Variants in SCN1B observed in about 807,000 individuals in gnomAD.
SCN1B encodes sodium channel regulatory subunit beta-1.
Under a neutral mutation model 25.7 loss-of-function variants are expected in SCN1B, and 11 were observed. The observed-to-expected ratio is 0.43, with a 90% CI of 0.27 to 0.71. The LOEUF (loss-of-function observed/expected upper bound fraction) is 0.71, where lower values mean the gene tolerates loss of function less well. Among genes scored for constraint, SCN1B ranks in the 30% least tolerant of loss-of-function variants. The pLI, the probability that SCN1B is intolerant of heterozygous loss-of-function variation, is 0.21. For synonymous variants in SCN1B, 119 were observed against 117.5 expected (o/e 1.01, Z -0.08); for missense variants, 224 against 291.5 (o/e 0.77, Z 1.69).
chr19:35,033,271 G>A (rs558725903), intron 2 of SCN1B, among the ~76,000 whole-genome samples: 4 of 152,044 alleles, frequency 2.6e-5, no homozygotes, highest in Non-Finnish European at 5.9e-5. Context: ...ACTGAGGAAC[G>A]TGTGTGTGCT....
rs745657953 is a variant in SCN1B, at chr19:35,033,721, A to G, written c.430A>G (p.Ile144Val). 2 of 1,614,076 alleles carry G rather than the reference A, an allele frequency of 1.2e-6. No individual in the cohort carries two copies. The highest frequency in any genetic ancestry group is 2.2e-5 in the East Asian group (1 of 44,858). The change falls in exon 3 of 6, where the codon ATT becomes GTT. Residue 144 changes from isoleucine (I) to valine (V), a missense_variant. Coordinates refer to ENST00000262631, the MANE Select transcript of SCN1B (RefSeq NM_001037.5). ...CACCAGCGTCGTCAAGAAGATCCAC[A>G]TTGAGGTAGTGGACAAAGGTGAGTC... is the stretch of plus-strand genomic sequence containing the variant. ...HNTSVVKKIHIEVVDKANRDM... is the reference protein window; with the variant it reads ...HNTSVVKKIHVEVVDKANRDM...
At position 35,039,343 on chromosome 19, in the gene SCN1B, G is replaced by A. The variant is rs1600371019; in HGVS notation, c.590+85G>A. 1.6e-5 allele frequency: 25 copies of A among 1,582,286 alleles called. No homozygotes were observed. The East Asian group carries it at 2.7e-4, about 17-fold the overall frequency. On this transcript the variant is annotated intron_variant, in intron 4 of 5. Transcript: ENST00000262631. The stretch of plus-strand genomic sequence containing the variant: ...GGAACTCCGGAGCCCGGGCAGGGAG[G>A]AGGCAGCGGAGCGGCCCAGGGCGCC...
chr19:35,030,804 G>A lies in SCN1B; in HGVS notation c.-17G>A. 1 of 1,060,440 alleles carries A rather than the reference G, an allele frequency of 9.4e-7. No homozygotes were observed. Among genetic ancestry groups the A allele is most frequent in the Non-Finnish European group, 1.2e-6 (1 of 830,252 alleles). 65.7% of individuals were successfully genotyped at this position (1,060,440 alleles called of 1,614,324 possible). A position where few individuals can be genotyped will look rare whatever the true frequency, so the allele number is the denominator to read the frequency against. On this transcript the variant is annotated 5_prime_UTR_variant, in exon 1 of 6. Coordinates refer to ENST00000262631, the MANE Select transcript of SCN1B (RefSeq NM_001037.5). Reference sequence around the variant, plus strand: ...ACCGGCGGCCCGGGAGGGGGGCGCAGCACGCGCCGCGCAGCCATGGGGAGG... The same window carrying A: ...ACCGGCGGCCCGGGAGGGGGGCGCAACACGCGCCGCGCAGCCATGGGGAGG...
intron 3 of SCN1B, chr19:35,034,283 T>G (rs1368413476): frequency 9.5e-7 from 1 of 1,055,950 alleles, no homozygotes; most frequent in African/African-American, 1.6e-5. Context: ...CGCACACCCC[T>G]CTGCACTCCT....
chr19:35,033,761 C>T, intron 3 of SCN1B, 22 bp downstream of exon 3: 1 of 1,613,918 alleles, frequency 6.2e-7, no homozygotes, highest in Non-Finnish European at 8.5e-7. Context: ...GCTGCCTGCC[C>T]CTTTACCGTC....
chr19:35,038,979 TG>T, intron 3 of SCN1B, 137 bp from the exon 4 acceptor site: 1 of 1,023,534 alleles, frequency 9.8e-7, no homozygotes, highest in South Asian at 1.3e-5. Context: ...TACCCAAGGC[TG>T]GGTATTAATA....
rs1251339491 is a variant in SCN1B at position 35,032,006 on chromosome 19, C to T, written c.41-522C>T. 1.3e-5 allele frequency among the ~76,000 whole-genome samples: 2 copies of T among 152,112 alleles called. No homozygotes were observed. The highest frequency in any genetic ancestry group is 4.8e-5 in the African/African-American group (2 of 41,394). The stretch of plus-strand genomic sequence containing the variant: ...GGAGAGGGGCTGAGTGTGGGTCAGC[C>T]CCGGTTTCAGTGCCCACCTCCCCAC... On this transcript the variant is annotated intron_variant, in intron 1 of 5. Transcript: ENST00000262631. The surrounding 1 kb of genome is among the most constrained non-coding windows in gnomAD (Gnocchi z 4.3).
intron 3 of SCN1B, chr19:35,034,318 G>T (rs2064235347): frequency 4.1e-6 from 3 of 726,294 alleles, no homozygotes; most frequent in Middle Eastern, 4.0e-4. Flanking sequence ...GCGCTGGCCT[G>T]CAGTCTCACT....
Position 35,039,822 on chromosome 19 carries a change from GC to G in SCN1B, c.*33del. ...GCCCTGGGCCCCGCCTCAAGGAAGA[GC>G]CAGCCGTAATGGGGACTCTCCAGGC... On this transcript the variant is annotated 3_prime_UTR_variant, in exon 6 of 6. Coordinates refer to ENST00000262631, the MANE Select transcript of SCN1B (RefSeq NM_001037.5). 1 of 1,102,326 alleles carries G rather than the reference GC, an allele frequency of 9.1e-7. No individual in the cohort carries two copies. Among genetic ancestry groups the G allele is most frequent in the Non-Finnish European group, 1.3e-6 (1 of 751,990 alleles). The allele number at this position is 1,102,326 out of a possible 1,614,324, so 68.3% of individuals were successfully genotyped here.
intron 2 of SCN1B, among the ~76,000 whole-genome samples, chr19:35,033,266 G>C (rs1018758559): frequency 1.3e-5 from 2 of 152,070 alleles, no homozygotes; most frequent in East Asian, 1.9e-4. Flanking sequence ...GGATGACTGA[G>C]GAACGTGTGT....
In SCN1B at chr19:35,036,732, C is replaced by CTGTTATTATTAT. The variant is rs2064250158; in HGVS notation, c.449-2384_449-2383insGTTATTATTATT. ...ACAGGCGTAAGTTACCATGCCCAGC[C>CTGTTATTATTAT]TATTATTATTATTATTATTATTATT... is the stretch of plus-strand genomic sequence containing the variant. On this transcript the variant is annotated intron_variant, in intron 3 of 5. Coordinates refer to ENST00000262631, the MANE Select transcript of SCN1B (RefSeq NM_001037.5). 9 of 144,492 alleles carry CTGTTATTATTAT rather than the reference C, an allele frequency of 6.2e-5. No individual in the cohort carries two copies. In the South Asian group the frequency reaches 2.0e-3, roughly 33 times the overall value. 9.0% of individuals were successfully genotyped at this position (144,492 alleles called of 1,614,324 possible).
chr19:35,037,561 G>A (rs1488117049), intron 3 of SCN1B: 1 of 152,160 alleles, frequency 6.6e-6, no homozygotes, highest in Non-Finnish European at 1.5e-5. Flanking sequence ...TCATCCTTGA[G>A]GCTTTCCGAG....
chr19:35,039,207 A>G lies in SCN1B; in HGVS notation c.539A>G (p.Tyr180Cys). ...ATATGGCTCGTGGCAGAGATGATTT[A>G]CTGCTACAAGAAGATCGCTGCCGCC... ...LTIWLVAEMI[Y>C]CYKKIAAATE... Residue 180 changes from tyrosine to cysteine, a missense_variant, in exon 4 of 6, where the codon TAC (tyrosine) becomes TGC (cysteine). Physicochemically the swap from Tyr to Cys is radical, Grantham distance 194. Coordinates refer to ENST00000262631, the MANE Select transcript of SCN1B (RefSeq NM_001037.5). 6.2e-7 allele frequency: 1 copy of G among 1,614,162 alleles called. No individual in the cohort carries two copies. Among genetic ancestry groups the G allele is most frequent in the Non-Finnish European group, 8.5e-7 (1 of 1,180,030 alleles).
intron 3 of SCN1B, chr19:35,034,990 T>C (rs2064238932): frequency 6.6e-6 from 1 of 152,238 alleles, no homozygotes; most frequent in Non-Finnish European, 1.5e-5. Flanking sequence ...TCAGCAGGCA[T>C]GTCTGAGCCA....
chr19:35,033,063 T>C (rs1046509936), intron 2 of SCN1B, among the ~76,000 whole-genome samples: 1 of 152,182 alleles, frequency 6.6e-6, no homozygotes, highest in African/African-American at 2.4e-5. Flanking sequence ...CTGTTTTTTT[T>C]AACCTCCTTT....
chr19:35,036,125 C>T (rs2064246148), intron 3 of SCN1B: 1 of 151,776 alleles, frequency 6.6e-6, no homozygotes, highest in African/African-American at 2.4e-5. Flanking sequence ...TCCTTAGCCG[C>T]CGTAAGTGCC....
chr19:35,032,022 A>G lies in SCN1B; in HGVS notation c.41-506A>G, dbSNP rs923763209. The stretch of plus-strand genomic sequence containing the variant: ...TGGGTCAGCCCCGGTTTCAGTGCCC[A>G]CCTCCCCACAATCCCCCACCCCCAG... On this transcript the variant is annotated intron_variant, in intron 1 of 5. Transcript: ENST00000262631. This position sits in a 1 kb window ranked among gnomAD's most constrained non-coding sequence, Gnocchi z 4.3. Among the ~76,000 whole-genome samples, 22 of 130,016 alleles carry G rather than the reference A, an allele frequency of 1.7e-4. No homozygotes were observed. Among genetic ancestry groups the G allele is most frequent in the Non-Finnish European group, 2.6e-4 (16 of 60,928 alleles). The allele number at this position is 130,016 out of a possible 152,430, so 85.3% of individuals were successfully genotyped here. A position where few individuals can be genotyped will look rare whatever the true frequency, so the allele number is the denominator to read the frequency against.
At chr19:35,034,681 A>T (rs917048051) in intron 3 of SCN1B, 1 of 159,226 alleles carries the variant, frequency 6.3e-6, no homozygotes. Context: ...TTTCTGTGAG[A>T]TGGGTGCCGG....
At chr19:35,034,278 A>G in intron 3 of SCN1B, 1 of 1,073,962 alleles carries the variant, frequency 9.3e-7, no homozygotes, top group Non-Finnish European at 1.3e-6. Context: ...AGTTCCGCAC[A>G]CCCCTCTGCA....
Sources: gnomAD v4.1 joint callset for allele counts (sites outside exome capture counted in the v4.1 genomes callset) on GRCh38, gnomAD v4.1.1 for gene constraint, Gnocchi (gnomAD v3.1) non-coding constraint, MANE v1.5 for transcripts, NCBI Gene and HGNC (gene_info 2026-07-23, HGNC 2026-07-21) for gene names.